Variants in CRAMP1 observed in about 807,000 individuals in gnomAD.
CRAMP1 encodes the protein protein cramped-like.
In CRAMP1, 50 loss-of-function variants were observed where a neutral mutation model predicts 115.4. The observed-to-expected ratio is 0.43, with a 90% confidence interval of 0.35 to 0.55. The LOEUF (loss-of-function observed/expected upper bound fraction) is 0.55, where lower values mean the gene tolerates loss of function less well. CRAMP1 is among the 20% of genes least tolerant of loss of function. The pLI is 0.01. For missense variants in CRAMP1, 1,679 were observed against 1,721.7 expected, an observed-to-expected ratio of 0.98 and a Z score of 0.44; for synonymous variants, 866 against 745.4, an observed-to-expected ratio of 1.16 and a Z score of -2.64.
intron 6 of CRAMP1, among the ~76,000 whole-genome samples, chr16:1,650,637 T>A (rs1290301110): frequency 1.3e-5 from 2 of 152,234 alleles, no homozygotes; most frequent in African/African-American, 4.8e-5. Context: ...CAAATATAGA[T>A]ACATATAGAG....
rs1337134622 is a variant in CRAMP1, at chr16:1,666,907, C to T, written c.3036+307C>T. Among the ~76,000 whole-genome samples, 4 of 152,256 alleles carry T rather than the reference C, an allele frequency of 2.6e-5. No homozygotes were observed. The highest frequency in any genetic ancestry group is 5.9e-5 in the Non-Finnish European group (4 of 68,044). On this transcript the variant is annotated intron_variant, in intron 16 of 20. Coordinates refer to ENST00000397412, the MANE Select transcript of CRAMP1 (RefSeq NM_020825.4). The surrounding 1 kb of genome is among the most constrained non-coding windows in gnomAD (Gnocchi z 5.0). ...GGCAGCCCACAGCGCTGTGCTCGGACACCACTGAGCATCTCTTTCATCTGG... is the reference window on the plus strand; with the variant it reads ...GGCAGCCCACAGCGCTGTGCTCGGATACCACTGAGCATCTCTTTCATCTGG...
intron 5 of CRAMP1, among the ~76,000 whole-genome samples, chr16:1,639,970 C>G (rs1028081935): frequency 6.6e-6 from 1 of 152,148 alleles, no homozygotes; most frequent in African/African-American, 2.4e-5. Context: ...CACACTGCTC[C>G]CAGGCTTCCA....
intron 5 of CRAMP1, among the ~76,000 whole-genome samples, chr16:1,638,343 C>G (rs528480826): frequency 1.6e-4 from 25 of 152,302 alleles, no homozygotes; most frequent in African/African-American, 6.0e-4. Context: ...TAAAACATCC[C>G]AAAATATCAG....
At chr16:1,668,217 C>A in intron 18 of CRAMP1, 24 bp downstream of exon 18, 1 of 1,505,902 alleles carries the variant, frequency 6.6e-7, no homozygotes, top group Non-Finnish European at 9.2e-7. Context: ...GGCCTCACAG[C>A]CCTTCCTGTC....
Position 1,666,001 on chromosome 16 carries a change from C to T in CRAMP1, c.2753-72C>T. On this transcript the variant is annotated intron_variant, in intron 14 of 20. Transcript: ENST00000397412. The surrounding 1 kb of genome is among the most constrained non-coding windows in gnomAD (Gnocchi z 5.0). ...CAACAGTGGCTGTAAAGGAAGCCCC[C>T]TGCGGCCACATCCTGCTGTGAGGGC... 1.0e-6 allele frequency: 1 copy of T among 1,002,156 alleles called. No homozygotes were observed. Among genetic ancestry groups the T allele is most frequent in the East Asian group, 2.6e-5 (1 of 38,484 alleles). 62.1% of individuals were successfully genotyped at this position (1,002,156 alleles called of 1,614,324 possible).
intron 11 of CRAMP1, among the ~76,000 whole-genome samples, chr16:1,662,257 T>A (rs1208737249): frequency 1.3e-5 from 2 of 152,206 alleles, no homozygotes; most frequent in African/African-American, 2.4e-5. Context: ...GGTGAAGTGC[T>A]TTTGTCCTAT....
chr16:1,671,687 A>C lies in CRAMP1; in HGVS notation c.3645+878A>C, dbSNP rs2142210851. Among the ~76,000 whole-genome samples, 1 of 152,326 alleles carries C rather than the reference A, an allele frequency of 6.6e-6. No homozygotes were observed. Among genetic ancestry groups the C allele is most frequent in the East Asian group, 1.9e-4 (1 of 5,170 alleles). On this transcript the variant is annotated intron_variant, in intron 20 of 20. Transcript: ENST00000397412. This position sits in a 1 kb window ranked among gnomAD's most constrained non-coding sequence, Gnocchi z 5.0. ...GTCCCCACAATGTTGAGACATTGGC[A>C]GGTGTTCCTTGAGGATTTTGTGGGT...
chr16:1,662,969 G>A, intron 13 of CRAMP1, 134 bp downstream of exon 13: 1 of 647,756 alleles, frequency 1.5e-6, no homozygotes, highest in Non-Finnish European at 2.7e-6. Flanking sequence ...CTTGTGAGTA[G>A]GGTAAAAATA....
intron 13 of CRAMP1, among the ~76,000 whole-genome samples, chr16:1,663,120 A>C (rs1208784165): frequency 6.6e-6 from 1 of 152,254 alleles, no homozygotes; most frequent in Non-Finnish European, 1.5e-5. Context: ...TGGAATCTCA[A>C]CACCTATTTA....
intron 8 of CRAMP1, among the ~76,000 whole-genome samples, chr16:1,654,215 T>C (rs2036749866): frequency 6.6e-6 from 1 of 151,690 alleles, no homozygotes; most frequent in African/African-American, 2.4e-5. Flanking sequence ...TTTTATTTTT[T>C]CTTTTTTTTT....
intron 6 of CRAMP1, chr16:1,646,975 A>C: frequency 1.4e-6 from 1 of 701,238 alleles, no homozygotes; most frequent in Non-Finnish European, 2.6e-6. Context: ...TCCATTCTGG[A>C]CCTTCTGTTC....
At chr16:1,625,456 C>T (rs1402164021) in intron 2 of CRAMP1, among the ~76,000 whole-genome samples, 2 of 152,184 alleles carry the variant, frequency 1.3e-5, no homozygotes, top group Non-Finnish European at 2.9e-5. Context: ...AATTTTAAGA[C>T]TAAAGATTCT....
rs2036774688 is a variant in CRAMP1 at position 1,656,422 on chromosome 16, C to T, written c.1665C>T (p.Leu555=). The change falls in exon 10 of 21, where the codon CTC becomes CTT. Residue 555 remains leucine, a synonymous_variant. Coordinates refer to ENST00000397412, the MANE Select transcript of CRAMP1 (RefSeq NM_020825.4). This position sits in a 1 kb window ranked among gnomAD's most constrained non-coding sequence, Gnocchi z 5.6. ...AGCTCCCAGACCTGGAGGACGAGCTCTCGCTTCTAGACCCCTTGCCCCGCT... is the reference window on the plus strand; with the variant it reads ...AGCTCCCAGACCTGGAGGACGAGCTTTCGCTTCTAGACCCCTTGCCCCGCT... ...CGQLPDLEDE[L]SLLDPLPRYL... is the part of the protein sequence containing the mutation. The T allele has an allele frequency of 6.3e-7, 1 of 1,588,014 alleles. No individual in the cohort carries two copies. Among genetic ancestry groups the T allele is most frequent in the Non-Finnish European group, 8.6e-7 (1 of 1,167,648 alleles).
In CRAMP1 at chr16:1,626,053, T is replaced by C. The variant is rs1357472024; in HGVS notation, c.427T>C (p.Ser143Pro). Residue 143 changes from serine to proline, a missense_variant, in exon 3 of 21, where the codon TCC becomes CCC. By Grantham distance (74) the Ser-to-Pro change is moderately conservative (BLOSUM62 -1). Coordinates refer to ENST00000397412, the MANE Select transcript of CRAMP1 (RefSeq NM_020825.4). Reference protein sequence around the residue: ...AAPAGGSRSSSRNLGSSGGEK... With the variant: ...AAPAGGSRSSPRNLGSSGGEK... The stretch of plus-strand genomic sequence containing the variant: ...CCCTGCAGGGGGCTCGCGCTCCTCC[T>C]CCCGGAACTTAGGGTCTTCTGGTGG... 1.3e-6 allele frequency: 2 copies of C among 1,551,404 alleles called. No individual in the cohort carries two copies. Among genetic ancestry groups the C allele is most frequent in the Non-Finnish European group, 1.7e-6 (2 of 1,146,914 alleles).
chr16:1,649,859 T>A (rs1032792955), intron 6 of CRAMP1, among the ~76,000 whole-genome samples: 7 of 142,878 alleles, frequency 4.9e-5, no homozygotes, highest in African/African-American at 1.8e-4. Flanking sequence ...AGTGGCGCAA[T>A]CTCAGCTCAC....
Position 1,656,544 on chromosome 16 carries a change from C to G in CRAMP1, c.1787C>G (p.Ser596Cys). The change falls in exon 10 of 21, where the codon TCC (serine) becomes TGC (cysteine). Residue 596 changes from serine (S) to cysteine (C), a missense_variant. Transcript: ENST00000397412. This position sits in a 1 kb window ranked among gnomAD's most constrained non-coding sequence, Gnocchi z 5.6. ...SEQPPLGGAA[S>C]PEVLAPVSKE... ...CAGCCCCCTCTGGGCGGGGCGGCCT[C>G]CCCAGAGGTGCTGGCTCCTGTCAGC... 6.4e-7 allele frequency: 1 copy of G among 1,557,640 alleles called. No homozygotes were observed. Among genetic ancestry groups the G allele is most frequent in the Non-Finnish European group, 8.7e-7 (1 of 1,151,394 alleles).
intron 2 of CRAMP1, among the ~76,000 whole-genome samples, chr16:1,619,723 C>T (rs2142168790): frequency 6.6e-6 from 1 of 152,280 alleles, no homozygotes; most frequent in South Asian, 2.1e-4. Flanking sequence ...CTGGTCAGAG[C>T]ATGCAGGAGG....
In CRAMP1 at chr16:1,614,754, G is replaced by A; in HGVS notation, c.115G>A (p.Ala39Thr). ...AGAAGGGGCCGGCGGCGCAGACGCG[G>A]CCGAGGAGAGCAGCGGCACAAAGAG... is the stretch of plus-strand genomic sequence containing the variant. ...EGEGAGGADA[A>T]EESSGTKRDE... The change falls in exon 2 of 21, where the codon GCC (alanine) becomes ACC (threonine). Residue 39 changes from alanine to threonine, a missense_variant. Physicochemically the swap from Ala to Thr is moderately conservative, Grantham distance 58. This residue lies in a region of CRAMP1 where 264 missense variants were observed against 229.7 expected (regional missense o/e 1.15). Transcript: ENST00000397412. The surrounding 1 kb of genome is among the most constrained non-coding windows in gnomAD (Gnocchi z 4.4). The A allele has an allele frequency of 7.3e-7, 1 of 1,368,726 alleles. No homozygotes were observed. The highest frequency in any genetic ancestry group is 1.9e-5 in the South Asian group (1 of 53,994). The allele number at this position is 1,368,726 out of a possible 1,614,324, so 84.8% of individuals were successfully genotyped here. A position where few individuals can be genotyped will look rare whatever the true frequency, so the allele number is the denominator to read the frequency against.
chr16:1,615,062 A>G, intron 2 of CRAMP1, 77 bp downstream of exon 2: 2 of 918,550 alleles, frequency 2.2e-6, no homozygotes, highest in Non-Finnish European at 2.8e-6. Context: ...CCCTCGCCCC[A>G]GCCGGGCTCC....
Sources: gnomAD v4.1 joint callset for allele counts (sites outside exome capture counted in the v4.1 genomes callset) on GRCh38, gnomAD v4.1.1 for gene constraint, gnomAD v4.1.1 regional missense constraint, Gnocchi (gnomAD v3.1) non-coding constraint, MANE v1.5 for transcripts, NCBI Gene and HGNC (gene_info 2026-07-23, HGNC 2026-07-21) for gene names.